DNAJC17: variants seen among roughly 807,000 people sequenced by gnomAD.
The protein encoded by DNAJC17 is dnaJ homolog subfamily C member 17.
DNAJC17 carries 35 observed loss-of-function variants against 48.1 expected under a neutral mutation model. The ratio of observed to expected loss-of-function variants is 0.73; its 90% CI spans 0.56 to 0.96. The LOEUF is 0.96. Ranked by LOEUF, DNAJC17 falls within the 50% of genes least tolerant of loss-of-function variation. The pLI is 0.00. For missense variants in DNAJC17, 355 were observed against 377.1 expected, an observed-to-expected ratio of 0.94 and a Z score of 0.48; for synonymous variants, 117 against 142.7, an observed-to-expected ratio of 0.82 and a Z score of 1.28.
At chr15:40,798,338 T>TG (rs1190331705) in intron 1 of DNAJC17, among the ~76,000 whole-genome samples, 2 of 151,986 alleles carry the variant, frequency 1.3e-5, no homozygotes, top group African/African-American at 4.8e-5. Context: ...TCACAGGAGC[T>TG]GGGGGGAGGA....
intron 1 of DNAJC17, among the ~76,000 whole-genome samples, chr15:40,798,856 G>A (rs1007398504): frequency 5.3e-5 from 8 of 152,124 alleles, no homozygotes; most frequent in Non-Finnish European, 4.4e-5. Flanking sequence ...TGCAAACAGC[G>A]TTAACTCACG....
intron 1 of DNAJC17, among the ~76,000 whole-genome samples, chr15:40,794,188 A>G (rs1889886239): frequency 6.6e-6 from 1 of 151,452 alleles, no homozygotes; most frequent in South Asian, 2.1e-4. Flanking sequence ...CATCTCTACT[A>G]AAAATACAAA....
chr15:40,777,079 C>T (rs1889347249), intron 4 of DNAJC17, among the ~76,000 whole-genome samples: 1 of 152,198 alleles, frequency 6.6e-6, no homozygotes, highest in South Asian at 2.1e-4. Flanking sequence ...CTCACATTTA[C>T]CAAGCCTCAC....
At chr15:40,773,297 C>T (rs1889209142) in intron 10 of DNAJC17, among the ~76,000 whole-genome samples, 1 of 152,100 alleles carries the variant, frequency 6.6e-6, no homozygotes, top group African/African-American at 2.4e-5. Flanking sequence ...TGCCTCTTGA[C>T]AGTCGGTCCC....
chr15:40,768,163 CGGAGGGA>C, intron 10 of DNAJC17, 101 bp from the exon 11 acceptor site: 2 of 1,380,380 alleles, frequency 1.4e-6, no homozygotes, highest in Admixed American at 5.6e-5. Flanking sequence ...CTAAGAGTCT[CGGAGGGA>C]GGACGGCAGA....
In DNAJC17 at chr15:40,767,743, G is replaced by A. The variant is rs2141942117; in HGVS notation, c.*197C>T. 1.4e-6 allele frequency: 1 copy of A among 731,728 alleles called. No homozygotes were observed. Among genetic ancestry groups the A allele is most frequent in the Non-Finnish European group, 2.2e-6 (1 of 465,032 alleles). 45.3% of individuals were successfully genotyped at this position (731,728 alleles called of 1,614,324 possible). On this transcript the variant is annotated 3_prime_UTR_variant, in exon 11 of 11. Transcript: ENST00000220496. ...GTGCTCTGCTTGTGCACGGACTCTG[G>A]GACTCTCACCCTGCGGAGCGTTTCC...
intron 4 of DNAJC17, chr15:40,776,931 A>G: frequency 3.3e-6 from 1 of 300,502 alleles, no homozygotes. Flanking sequence ...GCCCAGGGCC[A>G]TGTGTCAGGG....
intron 1 of DNAJC17, 54 bp downstream of exon 1, chr15:40,807,315 A>G: frequency 6.2e-7 from 1 of 1,614,120 alleles, no homozygotes; most frequent in Non-Finnish European, 8.5e-7. Context: ...AGGCGCTAGG[A>G]CAGGAAGGAC....
chr15:40,776,081 C>T, intron 6 of DNAJC17, 115 bp downstream of exon 6: 2 of 926,752 alleles, frequency 2.2e-6, no homozygotes, highest in Non-Finnish European at 3.4e-6. Context: ...AGGGTGACCC[C>T]AGGGTTCCAG....
intron 1 of DNAJC17, among the ~76,000 whole-genome samples, chr15:40,798,020 C>T (rs1199473139): frequency 6.6e-6 from 1 of 152,150 alleles, no homozygotes; most frequent in African/African-American, 2.4e-5. Flanking sequence ...CCACACCTGG[C>T]TCAAACAAAT....
chr15:40,781,972 C>T (rs1889508125), intron 1 of DNAJC17, among the ~76,000 whole-genome samples: 1 of 151,948 alleles, frequency 6.6e-6, no homozygotes, highest in Non-Finnish European at 1.5e-5. Context: ...GCCTGTAGTC[C>T]CAGCTACTCA....
At chr15:40,783,035 T>C (rs907516899) in intron 1 of DNAJC17, among the ~76,000 whole-genome samples, 4 of 151,312 alleles carry the variant, frequency 2.6e-5, no homozygotes, top group African/African-American at 9.7e-5. Flanking sequence ...AAAAGAACAA[T>C]ATTAAGGGAA....
At chr15:40,773,984 CGCTTTG>C in intron 9 of DNAJC17, 147 bp from the exon 10 acceptor site, 2 of 732,660 alleles carry the variant, frequency 2.7e-6, no homozygotes, top group Non-Finnish European at 4.5e-6. Flanking sequence ...TGGGTGTTAA[CGCTTTG>C]GCCTTTCCTG....
At chr15:40,772,932 G>A (rs191992411) in intron 10 of DNAJC17, among the ~76,000 whole-genome samples, 3 of 151,862 alleles carry the variant, frequency 2.0e-5, no homozygotes, top group East Asian at 3.9e-4. Flanking sequence ...GCACCACCCC[G>A]TGTCAGCAGG....
chr15:40,765,809 CTG>C lies in DNAJC17; in HGVS notation c.*2129_*2130del. The C allele has an allele frequency of 4.2e-6, 6 of 1,438,324 alleles. No individual in the cohort carries two copies. Among genetic ancestry groups the C allele is most frequent in the Non-Finnish European group, 5.7e-6 (6 of 1,046,184 alleles). The allele number at this position is 1,438,324 out of a possible 1,614,324, so 89.1% of individuals were successfully genotyped here. ...CTCCTGGCAGCCAGCCAAGCAGCCA[CTG>C]TGGCTTACCTTGCAGGAGGTGGGCC... On this transcript the variant is annotated 3_prime_UTR_variant, in exon 11 of 11. Transcript: ENST00000220496.
Position 40,765,880 on chromosome 15 carries a change from G to C in DNAJC17, c.*2060C>G, listed in dbSNP as rs765050774. The C allele has an allele frequency of 6.3e-7, 1 of 1,581,714 alleles. No individual in the cohort carries two copies. The highest frequency in any genetic ancestry group is 1.3e-5 in the African/African-American group (1 of 74,138). On this transcript the variant is annotated 3_prime_UTR_variant, in exon 11 of 11. Transcript: ENST00000220496. ...AACAGTCGGATCCAGAGCTGATGCA[G>C]CATCTGGGGGCTTCAAAGAGAAGAG...
intron 1 of DNAJC17, among the ~76,000 whole-genome samples, chr15:40,801,737 C>CAAA (rs1048222450): frequency 4.7e-5 from 3 of 63,790 alleles, no homozygotes; most frequent in African/African-American, 1.0e-4. Flanking sequence ...GACTCCGTCT[C>CAAA]AAAAAAAAAA....
At position 40,804,216 on chromosome 15, in the gene DNAJC17, C is replaced by T. The variant is rs115985532; in HGVS notation, c.78+3153G>A. Among the ~76,000 whole-genome samples the T allele has an allele frequency of 6.1e-3, 935 of 152,070 alleles. 10 individuals carry two copies. Among genetic ancestry groups the T allele is most frequent in the African/African-American group, 0.021 (865 of 41,524 alleles). On this transcript the variant is annotated intron_variant, in intron 1 of 10. Transcript: ENST00000220496. The stretch of plus-strand genomic sequence containing the variant: ...AACTCCTGGCCTCAAGCGTTCCTTC[C>T]ACCTTGGCCTCCCAAAGTGCTGGGA...
Position 40,776,554 on chromosome 15 carries a change from T to C in DNAJC17, c.369A>G (p.Thr123=). ...EEEEESRSTR[T]LEQEIERLRE... ...CCTGAGTGCTCACCTCTTGCTCTAG[T>C]GTCCTGGTGCTCCGGCTCTCCTCTT... is the stretch of plus-strand genomic sequence containing the variant. The change falls in exon 5 of 11, where the codon ACA becomes ACG. Residue 123 remains threonine, a synonymous_variant. Transcript: ENST00000220496. The C allele has an allele frequency of 6.2e-7, 1 of 1,613,996 alleles. No homozygotes were observed. The highest frequency in any genetic ancestry group is 1.6e-4 in the Middle Eastern group (1 of 6,062).
Sources: gnomAD v4.1 joint callset for allele counts (sites outside exome capture counted in the v4.1 genomes callset) on GRCh38, gnomAD v4.1.1 for gene constraint, MANE v1.5 for transcripts, NCBI Gene and HGNC (gene_info 2026-07-23, HGNC 2026-07-21) for gene names.